The following MAP4K4 variants were observed in gnomAD, a reference collection of about 807,000 sequenced individuals.
MAP4K4 encodes the protein mitogen-activated protein kinase kinase kinase kinase 4, also known as HPK/GCK-like kinase HGK.
Under a neutral mutation model 189.6 loss-of-function variants are expected in MAP4K4, and 38 were observed. The observed-to-expected ratio is 0.20, with a 90% CI of 0.15 to 0.26. The LOEUF (loss-of-function observed/expected upper bound fraction) is 0.26, where lower values mean the gene tolerates loss of function less well. MAP4K4 is among the 10% of genes least tolerant of loss of function. The pLI is 1.00. For synonymous variants in MAP4K4, 610 were observed against 624.3 expected (o/e 0.98, Z 0.34); for missense variants, 1,054 against 1,726.9 (o/e 0.61, Z 6.91).
chr2:101,755,163 G>T (rs182170582), intron 2 of MAP4K4, among the ~76,000 whole-genome samples: 7 of 148,796 alleles, frequency 4.7e-5, no homozygotes, highest in Admixed American at 4.7e-4. Context: ...AAATTAGTTT[G>T]TTGTTTTGAT....
intron 9 of MAP4K4, among the ~76,000 whole-genome samples, chr2:101,838,257 G>T (rs1251373682): frequency 6.6e-6 from 1 of 152,198 alleles, no homozygotes; most frequent in Non-Finnish European, 1.5e-5. Context: ...TCAGGTATTT[G>T]TATCTTCAAT....
intron 9 of MAP4K4, among the ~76,000 whole-genome samples, chr2:101,836,630 T>C (rs1201145777): frequency 1.3e-5 from 2 of 152,164 alleles, no homozygotes; most frequent in African/African-American, 4.8e-5. Context: ...GACTTGCATT[T>C]CCTCACATGT....
intron 23 of MAP4K4, among the ~76,000 whole-genome samples, chr2:101,871,292 C>T (rs927529124): frequency 6.6e-6 from 1 of 152,174 alleles, no homozygotes; most frequent in African/African-American, 2.4e-5. Context: ...GTGCAGCCAC[C>T]AGATTAGGTA....
In MAP4K4 at chr2:101,704,582, T is replaced by TTTTA. The variant is rs2041195679; in HGVS notation, c.123+6047_123+6048insATTT. ...ATATATATATATTTTTTTTTTTTTTTTTTTTTTTGAGATGGTGTCTCGCTC... is the reference window on the plus strand; with the variant it reads ...ATATATATATATTTTTTTTTTTTTTTTTTATTTTTTTTGAGATGGTGTCTCGCTC... On this transcript the variant is annotated intron_variant, in intron 2 of 32. Coordinates refer to ENST00000324219, the Ensembl canonical transcript of MAP4K4. Among the ~76,000 whole-genome samples the TTTTA allele has an allele frequency of 3.1e-5, 3 of 97,476 alleles. 1 individual carries two copies. Among genetic ancestry groups the TTTTA allele is most frequent in the Non-Finnish European group, 6.2e-5 (3 of 48,506 alleles). 63.9% of individuals were successfully genotyped at this position (97,476 alleles called of 152,430 possible).
At chr2:101,743,679 A>G (rs537917087) in intron 2 of MAP4K4, among the ~76,000 whole-genome samples, 1 of 152,008 alleles carries the variant, frequency 6.6e-6, no homozygotes, top group Non-Finnish European at 1.5e-5. Flanking sequence ...CTTTTTTGAG[A>G]TGGAGTCTTG....
At chr2:101,698,572 A>G (rs769660555) in intron 2 of MAP4K4, 34 bp downstream of exon 2, 2 of 1,597,982 alleles carry the variant, frequency 1.3e-6, no homozygotes, top group South Asian at 2.2e-5. Context: ...TTCCCGTGGC[A>G]TGTGGAAACT....
chr2:101,859,112 G>A, intron 14 of MAP4K4, 30 bp downstream of exon 14: 1 of 1,580,972 alleles, frequency 6.3e-7, no homozygotes, highest in African/African-American at 1.3e-5. Context: ...TCATTCTGTA[G>A]CATCAGGGCT....
At chr2:101,866,501 G>A in exon 19 of MAP4K4, 1 of 1,613,560 alleles carries the variant, frequency 6.2e-7, no homozygotes. Flanking sequence ...CAGCTCCTCA[G>A]GGTCCAGCAA....
chr2:101,836,544 C>T (rs1306642688), intron 9 of MAP4K4, among the ~76,000 whole-genome samples: 6 of 151,906 alleles, frequency 3.9e-5, no homozygotes, highest in African/African-American at 7.3e-5. Flanking sequence ...GCCGAGATCA[C>T]GCCATTGCAC....
chr2:101,876,902 G>A, intron 26 of MAP4K4, 101 bp from the exon 27 acceptor site: 1 of 1,202,064 alleles, frequency 8.3e-7, no homozygotes, highest in Non-Finnish European at 1.2e-6. Context: ...AATTAAGGAA[G>A]CTACACTTTT....
chr2:101,809,461 C>G (rs762488430), intron 3 of MAP4K4, among the ~76,000 whole-genome samples: 10 of 151,968 alleles, frequency 6.6e-5, no homozygotes, highest in Non-Finnish European at 1.2e-4. Flanking sequence ...TGCTTCTTAA[C>G]TGATAAAGTA....
At position 101,823,918 on chromosome 2, in the gene MAP4K4, T is replaced by C. The variant is rs1466880638; in HGVS notation, c.181-10T>C. The C allele has an allele frequency of 1.3e-6, 2 of 1,589,214 alleles. No individual in the cohort carries two copies. Among genetic ancestry groups the C allele is most frequent in the Admixed American group, 1.8e-5 (1 of 56,164 alleles). ...AGTAGCCACACATTTTATTTTTATT[T>C]TTTCATAAGGATGAAGAGGAAGAAA... On this transcript the variant is annotated splice_polypyrimidine_tract_variant and intron_variant, in intron 3 of 32. Transcript: ENST00000324219.
intron 2 of MAP4K4, among the ~76,000 whole-genome samples, chr2:101,774,282 G>T (rs971890346): frequency 2.0e-5 from 3 of 152,190 alleles, no homozygotes; most frequent in African/African-American, 4.8e-5. Flanking sequence ...TCTCATTGTA[G>T]TTTTGATTTG....
At chr2:101,765,367 G>A (rs1405767525) in intron 2 of MAP4K4, among the ~76,000 whole-genome samples, 1 of 152,192 alleles carries the variant, frequency 6.6e-6, no homozygotes, top group Non-Finnish European at 1.5e-5. Flanking sequence ...TTGTGTGTTT[G>A]TTTTGAGCCT....
chr2:101,770,858 A>G (rs1007950469), intron 2 of MAP4K4, among the ~76,000 whole-genome samples: 13 of 152,274 alleles, frequency 8.5e-5, no homozygotes, highest in East Asian at 1.9e-4. Context: ...CTGTCACCAG[A>G]TGGCGCTAAA....
At chr2:101,822,307 T>G (rs1179718247) in intron 3 of MAP4K4, among the ~76,000 whole-genome samples, 3 of 152,198 alleles carry the variant, frequency 2.0e-5, no homozygotes, top group Non-Finnish European at 4.4e-5. Flanking sequence ...GATGGGAATT[T>G]TTCAGCTTCA....
intron 2 of MAP4K4, among the ~76,000 whole-genome samples, chr2:101,755,197 T>G (rs2071725769): frequency 6.6e-6 from 1 of 152,002 alleles, no homozygotes; most frequent in South Asian, 2.1e-4. Context: ...TTTTTTTTTT[T>G]TCTTTCTTCC....
intron 12 of MAP4K4, among the ~76,000 whole-genome samples, chr2:101,846,577 A>G (rs1309215412): frequency 6.6e-6 from 1 of 152,190 alleles, no homozygotes; most frequent in Non-Finnish European, 1.5e-5. Flanking sequence ...GGTGAAGGTG[A>G]GCGATGGCTC....
intron 2 of MAP4K4, among the ~76,000 whole-genome samples, chr2:101,732,330 C>T (rs1293558456): frequency 2.0e-5 from 3 of 152,050 alleles, no homozygotes; most frequent in Non-Finnish European, 4.4e-5. Context: ...GGGGTGGGGC[C>T]AAAGGGAGAA....
Sources: gnomAD v4.1 joint callset for allele counts (sites outside exome capture counted in the v4.1 genomes callset) on GRCh38, gnomAD v4.1.1 for gene constraint, MANE v1.5 for transcripts, NCBI Gene and HGNC (gene_info 2026-07-23, HGNC 2026-07-21) for gene names.